Variants in SYT14 observed in about 807,000 individuals in gnomAD.
SYT14 encodes synaptotagmin 14.
SYT14 carries 32 observed loss-of-function variants against 74.2 expected under a neutral mutation model. That is an observed-to-expected ratio of 0.43 (90% CI 0.33 to 0.58). The LOEUF (loss-of-function observed/expected upper bound fraction) is 0.58, where lower values mean the gene tolerates loss of function less well. SYT14 is among the 20% of genes least tolerant of loss of function. The pLI is 0.05. For missense variants in SYT14, 791 were observed against 981.8 expected (o/e 0.81, Z 2.60); for synonymous variants, 298 against 337.7 (o/e 0.88, Z 1.29).
chr1:210,133,840 C>CTT (rs11341932), intron 7 of SYT14, among the ~76,000 whole-genome samples: 80 of 128,800 alleles, frequency 6.2e-4, no homozygotes, highest in African/African-American at 1.7e-3. Context: ...CTTATTTACT[C>CTT]TTTTTTTTTT....
chr1:210,086,951 A>C (rs2081746023), intron 5 of SYT14, among the ~76,000 whole-genome samples: 2 of 152,174 alleles, frequency 1.3e-5, no homozygotes, highest in South Asian at 4.1e-4. Context: ...TTATTTGATC[A>C]GTCTGCACAC....
intron 1 of SYT14, among the ~76,000 whole-genome samples, chr1:209,944,803 G>C (rs2078796137): frequency 6.6e-6 from 1 of 151,922 alleles, no homozygotes; most frequent in Non-Finnish European, 1.5e-5. Flanking sequence ...GACAGGTTAA[G>C]AAGTATGAGA....
intron 5 of SYT14, among the ~76,000 whole-genome samples, chr1:210,075,186 G>A (rs529853713): frequency 8.6e-4 from 131 of 152,240 alleles, no homozygotes; most frequent in African/African-American, 3.1e-3. Context: ...TCGATGGCCT[G>A]TGGGCGTGCC....
intron 2 of SYT14, among the ~76,000 whole-genome samples, chr1:209,969,050 A>G (rs1208502048): frequency 6.6e-6 from 1 of 152,132 alleles, no homozygotes; most frequent in Non-Finnish European, 1.5e-5. Flanking sequence ...CTCTAGCTGC[A>G]TCCATGTTGC....
intron 7 of SYT14, among the ~76,000 whole-genome samples, chr1:210,133,254 T>C (rs2082713934): frequency 6.6e-6 from 1 of 152,174 alleles, no homozygotes; most frequent in South Asian, 2.1e-4. Flanking sequence ...AGACTCAGTT[T>C]GGGAGGCAGT....
At chr1:210,030,132 T>TTTTTTG (rs112355766) in intron 5 of SYT14, among the ~76,000 whole-genome samples, 16,516 of 151,582 alleles carry the variant, frequency 0.11, 1,184 homozygotes, top group Non-Finnish European at 0.15. Context: ...TTTATTAGTT[T>TTTTTTG]TTTTTGTTTT....
chr1:210,054,369 C>T (rs1430997385), intron 5 of SYT14, among the ~76,000 whole-genome samples: 1 of 152,118 alleles, frequency 6.6e-6, no homozygotes, highest in Admixed American at 6.5e-5. Context: ...TTTAAAATAT[C>T]GAGTTGCTTC....
At chr1:210,055,810 A>G (rs1455537598) in intron 5 of SYT14, among the ~76,000 whole-genome samples, 2 of 152,082 alleles carry the variant, frequency 1.3e-5, no homozygotes, top group Non-Finnish European at 1.5e-5. Context: ...CTCCCATATA[A>G]AAAGTTAATT....
intron 2 of SYT14, among the ~76,000 whole-genome samples, chr1:209,968,091 G>T (rs1558098498): frequency 6.6e-6 from 1 of 152,128 alleles, no homozygotes; most frequent in Non-Finnish European, 1.5e-5. Context: ...AATCAGGTGA[G>T]ACTGTACTAT....
At chr1:209,953,208 T>C (rs1477644141) in intron 2 of SYT14, 1 of 1,287,476 alleles carries the variant, frequency 7.8e-7, no homozygotes, top group South Asian at 1.2e-5. Flanking sequence ...TATGCTTCCT[T>C]AGAAGGAGCC....
intron 3 of SYT14, among the ~76,000 whole-genome samples, chr1:210,015,013 A>G (rs1572160259): frequency 1.3e-5 from 2 of 151,820 alleles, no homozygotes; most frequent in South Asian, 4.1e-4. Flanking sequence ...AGAAAATTTA[A>G]AAATATTATT....
intron 5 of SYT14, among the ~76,000 whole-genome samples, chr1:210,070,609 T>C (rs760731842): frequency 1.1e-4 from 16 of 152,106 alleles, no homozygotes; most frequent in African/African-American, 3.9e-4. Context: ...CTATGGAGTT[T>C]AGTAACTTGC....
At chr1:209,943,437 C>T (rs1045210645) in intron 1 of SYT14, among the ~76,000 whole-genome samples, 5 of 145,190 alleles carry the variant, frequency 3.4e-5, no homozygotes, top group African/African-American at 7.9e-5. Flanking sequence ...CCCGGGAACC[C>T]GGGAGACTGA....
At chr1:210,131,628 T>C (rs2082676295) in intron 7 of SYT14, among the ~76,000 whole-genome samples, 1 of 152,100 alleles carries the variant, frequency 6.6e-6, no homozygotes, top group African/African-American at 2.4e-5. Flanking sequence ...TGCATTCACA[T>C]TGAGACTACC....
chr1:210,143,926 GAAT>G (rs2082976498), intron 7 of SYT14, among the ~76,000 whole-genome samples: 1 of 152,058 alleles, frequency 6.6e-6, no homozygotes, highest in Non-Finnish European at 1.5e-5. Flanking sequence ...AAAAAATTGA[GAAT>G]AAAATTTTCT....
intron 5 of SYT14, among the ~76,000 whole-genome samples, chr1:210,060,672 G>A (rs1318321339): frequency 6.6e-6 from 1 of 151,940 alleles, no homozygotes; most frequent in African/African-American, 2.4e-5. Flanking sequence ...CTAATAGAAA[G>A]GAAAAAATAT....
intron 1 of SYT14, among the ~76,000 whole-genome samples, chr1:209,945,469 G>A (rs1399857368): frequency 1.3e-5 from 2 of 152,142 alleles, no homozygotes; most frequent in African/African-American, 2.4e-5. Context: ...TTGGTTGGGG[G>A]GAGTTGCATT....
chr1:210,067,122 T>C (rs2081310595), intron 5 of SYT14, among the ~76,000 whole-genome samples: 1 of 152,056 alleles, frequency 6.6e-6, no homozygotes, highest in African/African-American at 2.4e-5. Flanking sequence ...TATGGTTTTG[T>C]TTCTGGACTG....
chr1:210,056,696 T>C (rs1415648162), intron 5 of SYT14, among the ~76,000 whole-genome samples: 1 of 145,780 alleles, frequency 6.9e-6, no homozygotes, highest in Non-Finnish European at 1.5e-5. Flanking sequence ...TGTGGTGGCA[T>C]GTGCCTGTAG....
Sources: gnomAD v4.1 joint callset for allele counts (sites outside exome capture counted in the v4.1 genomes callset) on GRCh38, gnomAD v4.1.1 for gene constraint, MANE v1.5 for transcripts, NCBI Gene and HGNC (gene_info 2026-07-23, HGNC 2026-07-21) for gene names.